HNRNPC: variants seen among roughly 807,000 people sequenced by gnomAD.
HNRNPC encodes the protein heterogeneous nuclear ribonucleoproteins C1/C2.
In HNRNPC, 3 loss-of-function variants were observed where a neutral mutation model predicts 33.2. That is an observed-to-expected ratio of 0.09 (90% CI 0.04 to 0.23). The LOEUF (loss-of-function observed/expected upper bound fraction) is 0.23, where lower values mean the gene tolerates loss of function less well. Ranked by LOEUF, HNRNPC falls within the 10% of genes least tolerant of loss-of-function variation. HNRNPC has a pLI of 1.00. For synonymous variants in HNRNPC, 121 were observed against 126.7 expected (o/e 0.96, Z 0.30); for missense variants, 143 against 366.7 (o/e 0.39, Z 4.98).
In HNRNPC at chr14:21,210,202, G is replaced by T. The variant is rs1436629302; in HGVS notation, c.*1021C>A. 6.6e-6 allele frequency: 1 copy of T among 152,106 alleles called. No homozygotes were observed. The highest frequency in any genetic ancestry group is 1.5e-5 in the Non-Finnish European group (1 of 68,010). The allele number at this position is 152,106 out of a possible 1,614,324, so 9.4% of individuals were successfully genotyped here. On this transcript the variant is annotated 3_prime_UTR_variant, in exon 9 of 9. Coordinates refer to ENST00000553300, the MANE Select transcript of HNRNPC (RefSeq NM_004500.4). ...TTTCCTGAAATCTTGATGTTTTTGA[G>T]CCTCTCCTATTTAAGGACAAAACCA...
intron 1 of HNRNPC, chr14:21,264,067 CAA>C (rs1029145212): frequency 3.3e-5 from 5 of 152,032 alleles, no homozygotes; most frequent in African/African-American, 9.7e-5. Context: ...TTGAGGGTCT[CAA>C]AAAGAGTATA....
At chr14:21,211,592 C>T in intron 7 of HNRNPC, 26 bp from the exon 8 acceptor site, 1 of 1,591,054 alleles carries the variant, frequency 6.3e-7, no homozygotes, top group Non-Finnish European at 8.6e-7. Context: ...ACAAGTCTGT[C>T]TAGGGGCAGT....
intron 2 of HNRNPC, among the ~76,000 whole-genome samples, chr14:21,258,372 A>G (rs1446126270): frequency 6.6e-6 from 1 of 151,370 alleles, no homozygotes; most frequent in East Asian, 1.9e-4. Flanking sequence ...GCCTGGTGAC[A>G]GAGCGAGACT....
At chr14:21,229,706 T>C (rs559469956) in intron 5 of HNRNPC, among the ~76,000 whole-genome samples, 2 of 152,342 alleles carry the variant, frequency 1.3e-5, no homozygotes. Context: ...CAATCAGTAA[T>C]TTTTATTCCA....
chr14:21,245,584 T>C (rs1895893028), intron 2 of HNRNPC, among the ~76,000 whole-genome samples: 1 of 152,166 alleles, frequency 6.6e-6, no homozygotes, highest in South Asian at 2.1e-4. Context: ...TTGCTTTTGG[T>C]GACTGTACTG....
intron 6 of HNRNPC, 53 bp from the exon 7 acceptor site, chr14:21,211,976 T>G (rs762210333): frequency 7.2e-7 from 1 of 1,380,560 alleles, no homozygotes; most frequent in East Asian, 2.3e-5. Flanking sequence ...AAGATATGAG[T>G]TAGCAAATAC....
intron 3 of HNRNPC, among the ~76,000 whole-genome samples, chr14:21,231,603 T>C (rs940608437): frequency 6.6e-6 from 1 of 152,218 alleles, no homozygotes; most frequent in Non-Finnish European, 1.5e-5. Context: ...CTCAGCTTCA[T>C]CTCTCCTTTT....
At chr14:21,211,961 T>C (rs774396373) in intron 6 of HNRNPC, 38 bp from the exon 7 acceptor site, 1 of 1,498,634 alleles carries the variant, frequency 6.7e-7, no homozygotes, top group South Asian at 1.1e-5. Context: ...AAATCAAATG[T>C]ACCGAAGATA....
chr14:21,231,411 C>G, intron 3 of HNRNPC: 1 of 466,308 alleles, frequency 2.1e-6, no homozygotes. Flanking sequence ...AGCTGGAGTG[C>G]AGTGATGCAA....
In HNRNPC at chr14:21,211,682, C is replaced by G. The variant is rs1594188482; in HGVS notation, c.638-116G>C. On this transcript the variant is annotated intron_variant, in intron 7 of 8. Coordinates refer to ENST00000553300, the MANE Select transcript of HNRNPC (RefSeq NM_004500.4). ...ATCTAAATCCTCCCACACAAATACCCTTCCCAATTCACACTCCCCAAGTTT... is the reference window on the plus strand; with the variant it reads ...ATCTAAATCCTCCCACACAAATACCGTTCCCAATTCACACTCCCCAAGTTT... 1.5e-5 allele frequency: 22 copies of G among 1,421,778 alleles called. No homozygotes were observed. The East Asian group carries it at 5.1e-4, about 33-fold the overall frequency. 88.1% of individuals were successfully genotyped at this position (1,421,778 alleles called of 1,614,324 possible). A position where few individuals can be genotyped will look rare whatever the true frequency, so the allele number is the denominator to read the frequency against.
Position 21,211,607 on chromosome 14 carries a change from T to C in HNRNPC, c.638-41A>G, listed in dbSNP as rs1246964470. The stretch of plus-strand genomic sequence containing the variant: ...ACAAGTCTGTCTAGGGGCAGTAATG[T>C]CCACAGGACGTAGACAATCCCCACT... On this transcript the variant is annotated intron_variant, in intron 7 of 8. Transcript: ENST00000553300. 1.0e-5 allele frequency: 16 copies of C among 1,576,686 alleles called. No homozygotes were observed. The Admixed American group carries it at 2.6e-4, about 25-fold the overall frequency.
At chr14:21,265,777 G>GA (rs1878872418) in intron 1 of HNRNPC, among the ~76,000 whole-genome samples, 1 of 151,820 alleles carries the variant, frequency 6.6e-6, no homozygotes, top group Non-Finnish European at 1.5e-5. Flanking sequence ...GGCTCTCAAA[G>GA]AAAAAAAGTA....
At chr14:21,257,582 A>G (rs1481943796) in intron 2 of HNRNPC, among the ~76,000 whole-genome samples, 1 of 151,698 alleles carries the variant, frequency 6.6e-6, no homozygotes, top group Admixed American at 6.6e-5. Context: ...AAGATAGCTC[A>G]CTTTTGTTTT....
chr14:21,263,491 TC>T (rs1878524777), intron 1 of HNRNPC, 155 bp from the exon 2 acceptor site: 2 of 152,272 alleles, frequency 1.3e-5, no homozygotes, highest in South Asian at 4.1e-4. Flanking sequence ...CAAAGCCCTT[TC>T]CACATCATCA....
In HNRNPC at chr14:21,246,201, A is replaced by G. The variant is rs375273978; in HGVS notation, c.-36-11972T>C. On this transcript the variant is annotated intron_variant, in intron 2 of 8. Transcript: ENST00000553300. ...AAACATCTATGCAGCACACGGCTCT[A>G]TATTTTTCTTTGACAAAACATTTCA... Among the ~76,000 whole-genome samples, 10 of 152,226 alleles carry G rather than the reference A, an allele frequency of 6.6e-5. No homozygotes were observed. In the East Asian group the frequency reaches 1.5e-3, roughly 23 times the overall value.
At chr14:21,246,645 T>C (rs1343205375) in intron 2 of HNRNPC, among the ~76,000 whole-genome samples, 1 of 151,940 alleles carries the variant, frequency 6.6e-6, no homozygotes, top group Non-Finnish European at 1.5e-5. Context: ...AAATTTTGAG[T>C]TCCCTTGGAA....
rs187365830 is a variant in HNRNPC, at chr14:21,222,563, T to C, written c.365+7756A>G. On this transcript the variant is annotated intron_variant, in intron 5 of 8. Transcript: ENST00000553300. ...TACATTTTGTTTATTCTTTAGTCAGTTGATGGACATTTGAGTTTTTCTGGT... is the reference window on the plus strand; with the variant it reads ...TACATTTTGTTTATTCTTTAGTCAGCTGATGGACATTTGAGTTTTTCTGGT... Among the ~76,000 whole-genome samples the C allele has an allele frequency of 9.2e-5, 14 of 152,268 alleles. No individual in the cohort carries two copies. In the East Asian group the frequency reaches 1.9e-3, roughly 21 times the overall value.
chr14:21,240,647 T>TA (rs1327198365), intron 2 of HNRNPC, among the ~76,000 whole-genome samples: 3 of 152,312 alleles, frequency 2.0e-5, no homozygotes, highest in South Asian at 2.1e-4. Flanking sequence ...CCAGCTTTGA[T>TA]AGAGTTCAGG....
intron 2 of HNRNPC, among the ~76,000 whole-genome samples, chr14:21,252,352 C>T (rs1896765588): frequency 6.6e-6 from 1 of 152,126 alleles, no homozygotes; most frequent in South Asian, 2.1e-4. Flanking sequence ...ACAATATCAC[C>T]CAGGCTGGAG....
Sources: allele counts gnomAD v4.1 joint callset (sites outside exome capture counted in the v4.1 genomes callset), GRCh38; gene constraint gnomAD v4.1.1; transcripts MANE v1.5; gene names NCBI Gene and HGNC (gene_info 2026-07-23, HGNC 2026-07-21).